The following NAIP variants were observed in gnomAD, a reference collection of about 807,000 sequenced individuals.
NAIP encodes the protein NLR family apoptosis inhibitory protein, also known as baculoviral IAP repeat-containing protein 1.
In NAIP, 15 loss-of-function variants were observed where a neutral mutation model predicts 23.0. That is an observed-to-expected ratio of 0.65 (90% CI 0.44 to 1.00). The LOEUF (loss-of-function observed/expected upper bound fraction) is 1.00, where lower values mean the gene tolerates loss of function less well. NAIP is among the 50% of genes least tolerant of loss of function. The pLI is 0.00. For synonymous variants in NAIP, 100 were observed against 100.2 expected, an observed-to-expected ratio of 1.00 and a Z score of 0.01; for missense variants, 265 against 278.8, an observed-to-expected ratio of 0.95 and a Z score of 0.35.
chr5:71,010,249 A>C (rs565782219), intron 5 of NAIP, among the ~76,000 whole-genome samples: 2 of 150,708 alleles, frequency 1.3e-5, no homozygotes, highest in Admixed American at 1.3e-4. Context: ...CTAGGACTGC[A>C]GGTACACGCC....
Position 70,969,911 on chromosome 5 carries a change from TTGG to T in NAIP, c.*190_*192del, listed in dbSNP as rs1215928922. ...ATTGGTGATGATTTATTTCTTGAGC[TTGG>T]TGGTGAGTATGCAGGACTGTGTTTT... On this transcript the variant is annotated 3_prime_UTR_variant, in exon 17 of 17. Coordinates refer to ENST00000517649, the MANE Select transcript of NAIP (RefSeq NM_004536.3). 2.8e-4 allele frequency: 126 copies of T among 446,442 alleles called. 1 individual carries two copies. The highest frequency in any genetic ancestry group is 2.2e-3 in the African/African-American group (111 of 49,784). 27.7% of individuals were successfully genotyped at this position (446,442 alleles called of 1,614,324 possible).
chr5:71,010,218 C>T (rs1751083538), intron 5 of NAIP, among the ~76,000 whole-genome samples: 1 of 151,444 alleles, frequency 6.6e-6, no homozygotes, highest in African/African-American at 2.4e-5. Flanking sequence ...AGCAATCTTC[C>T]TGCCTCAGCC....
intron 8 of NAIP, among the ~76,000 whole-genome samples, chr5:71,000,523 T>C (rs1292987067): frequency 9.8e-6 from 1 of 102,124 alleles, no homozygotes; most frequent in Non-Finnish European, 1.8e-5. Flanking sequence ...ATCTGACTAA[T>C]AATAATAATA....
At position 70,978,732 on chromosome 5, in the gene NAIP, A is replaced by G; in HGVS notation, c.3442+1137T>C. ...ATGTAAGACCAGCCTAACCAAAAAC[A>G]AAATAAAATAACCCTACAAATTATT... On this transcript the variant is annotated intron_variant, in intron 13 of 16. Transcript: ENST00000517649. Among the ~76,000 whole-genome samples, 2 of 52,488 alleles carry G rather than the reference A, an allele frequency of 3.8e-5. 1 individual carries two copies. Among genetic ancestry groups the G allele is most frequent in the Non-Finnish European group, 6.2e-5 (2 of 32,004 alleles). 34.4% of individuals were successfully genotyped at this position (52,488 alleles called of 152,430 possible). A position where few individuals can be genotyped will look rare whatever the true frequency, so the allele number is the denominator to read the frequency against.
intron 5 of NAIP, among the ~76,000 whole-genome samples, chr5:71,009,320 C>T (rs1219422470): frequency 7.4e-6 from 1 of 134,436 alleles, no homozygotes; most frequent in African/African-American, 2.7e-5. Context: ...CACTAAACTC[C>T]AGTCTGGGCT....
In NAIP at chr5:71,011,310, A is replaced by T; in HGVS notation, c.633T>A (p.Asp211Glu). 1 of 1,606,798 alleles carries T rather than the reference A, an allele frequency of 6.2e-7. No individual in the cohort carries two copies. Among genetic ancestry groups the T allele is most frequent in the Non-Finnish European group, 8.5e-7 (1 of 1,175,724 alleles). The change falls in exon 5 of 17, where the codon GAT becomes GAA. Residue 211 changes from aspartate to glutamate, a missense_variant. Coordinates refer to ENST00000517649, the MANE Select transcript of NAIP (RefSeq NM_004536.3). The part of the protein sequence containing the change: ...GGCLGNWEEG[D>E]DPWKEHAKWF... Reference sequence around the variant, plus strand: ...ATTTGGCATGTTCCTTCCAAGGATCATCTCCTTCTTCCCAATTTCCTAAAC... The same window carrying T: ...ATTTGGCATGTTCCTTCCAAGGATCTTCTCCTTCTTCCCAATTTCCTAAAC...
In NAIP at chr5:71,012,864, T is replaced by C. The variant is rs748832023; in HGVS notation, c.52A>G (p.Asn18Asp). 1.2e-6 allele frequency: 2 copies of C among 1,609,174 alleles called. No individual in the cohort carries two copies. The highest frequency in any genetic ancestry group is 2.7e-5 in the African/African-American group (2 of 74,572). Residue 18 changes from asparagine (N) to aspartate (D), a missense_variant, in exon 4 of 17, where the codon AAT becomes GAT. Physicochemically the swap from Asn to Asp is conservative, Grantham distance 23. Around this residue, in one of 2 missense-constraint regions of NAIP, gnomAD observed 261 missense variants for 259.2 expected, o/e 1.01. Coordinates refer to ENST00000517649, the MANE Select transcript of NAIP (RefSeq NM_004536.3). ...AGAGCAGACAGCTCTGGCAGCAAAT[T>C]GTGATCAAACTGGGAGATCCTCTCG... ...SDERISQFDH[N>D]LLPELSALLG...
chr5:71,002,340 A>C (rs1580923822), intron 6 of NAIP, among the ~76,000 whole-genome samples, 197 bp from the exon 7 acceptor site: 9 of 80,968 alleles, frequency 1.1e-4, no homozygotes, highest in East Asian at 3.6e-4. Context: ...GTGCCACCAC[A>C]CCCGGCTAAT....
chr5:71,008,801 CAAAA>C (rs1187402726), intron 5 of NAIP, among the ~76,000 whole-genome samples: 1 of 84,202 alleles, frequency 1.2e-5, no homozygotes, highest in Non-Finnish European at 2.2e-5. Flanking sequence ...GAGACTGTCA[CAAAA>C]AAAAAAAAAA....
At chr5:71,012,201 G>T in intron 4 of NAIP, 147 bp downstream of exon 4, 1 of 689,430 alleles carries the variant, frequency 1.5e-6, no homozygotes, top group South Asian at 2.4e-5. Flanking sequence ...AAATATTGAT[G>T]TTGAATTTTA....
At chr5:71,009,397 C>T (rs1309887487) in intron 5 of NAIP, among the ~76,000 whole-genome samples, 1 of 145,078 alleles carries the variant, frequency 6.9e-6, no homozygotes, top group Non-Finnish European at 1.5e-5. Flanking sequence ...AGAAAGAAAA[C>T]AACAAATCTT....
At chr5:71,010,338 G>A (rs779633597) in intron 5 of NAIP, among the ~76,000 whole-genome samples, 7 of 151,112 alleles carry the variant, frequency 4.6e-5, no homozygotes, top group African/African-American at 9.7e-5. Flanking sequence ...GCGCTATCTC[G>A]GCTCACTGCA....
At position 71,012,740 on chromosome 5, in the gene NAIP, C is replaced by T. The variant is rs1393952042; in HGVS notation, c.176G>A (p.Ser59Asn). Residue 59 changes from serine to asparagine, a missense_variant, in exon 4 of 17, where the codon AGT becomes AAT. Around this residue, in one of 2 missense-constraint regions of NAIP, gnomAD observed 261 missense variants for 259.2 expected, o/e 1.01. Coordinates refer to ENST00000517649, the MANE Select transcript of NAIP (RefSeq NM_004536.3). ...AAAAGTCTTTAACCTTTTTGCTTCACTGCGCATTTGAGAGTTGTAGCCTTT... is the reference window on the plus strand; with the variant it reads ...AAAAGTCTTTAACCTTTTTGCTTCATTGCGCATTTGAGAGTTGTAGCCTTT... ...MQKGYNSQMRSEAKRLKTFVT... is the reference protein window; with the variant it reads ...MQKGYNSQMRNEAKRLKTFVT... 1.9e-6 allele frequency: 3 copies of T among 1,611,876 alleles called. No individual in the cohort carries two copies. The East Asian group carries it at 6.7e-5, about 36-fold the overall frequency.
At chr5:70,978,526 G>GT (rs1409687689) in intron 13 of NAIP, among the ~76,000 whole-genome samples, 9 of 119,442 alleles carry the variant, frequency 7.5e-5, no homozygotes, top group African/African-American at 3.4e-4. Flanking sequence ...AGTGTTCAGT[G>GT]TTTACTAAGT....
intron 3 of NAIP, among the ~76,000 whole-genome samples, chr5:71,018,208 A>G (rs2112944147): frequency 2.0e-5 from 1 of 49,898 alleles, no homozygotes; most frequent in South Asian, 8.3e-4. Context: ...AAGACATAAA[A>G]TTAAGGGATA....
intron 13 of NAIP, among the ~76,000 whole-genome samples, chr5:70,978,180 C>T: frequency 8.0e-6 from 1 of 124,298 alleles, no homozygotes; most frequent in Non-Finnish European, 1.7e-5. Context: ...GAGACAGGGT[C>T]TTGCTCTATC....
At chr5:71,011,427 G>A (rs1207721337) in intron 4 of NAIP, 53 bp from the exon 5 acceptor site, 1 of 1,370,558 alleles carries the variant, frequency 7.3e-7, no homozygotes, top group Non-Finnish European at 1.0e-6. Context: ...CAGGGGGTAT[G>A]TACACAGAGT....
intron 5 of NAIP, among the ~76,000 whole-genome samples, chr5:71,010,089 C>G (rs1561516019): frequency 6.6e-6 from 1 of 151,452 alleles, no homozygotes; most frequent in South Asian, 2.1e-4. Flanking sequence ...TTACACCACC[C>G]CTATGGAAAT....
intron 4 of NAIP, 150 bp downstream of exon 4, chr5:71,012,198 G>A: frequency 1.5e-6 from 1 of 659,784 alleles, no homozygotes; most frequent in East Asian, 2.9e-5. Flanking sequence ...TAAAAATATT[G>A]ATGTTGAATT....
Sources: gnomAD v4.1 joint callset for allele counts (sites outside exome capture counted in the v4.1 genomes callset) on GRCh38, gnomAD v4.1.1 for gene constraint, gnomAD v4.1.1 regional missense constraint, MANE v1.5 for transcripts, NCBI Gene and HGNC (gene_info 2026-07-23, HGNC 2026-07-21) for gene names.